CHAF1A: variants seen among roughly 807,000 people sequenced by gnomAD.
CHAF1A encodes the protein CAF-1 subunit A.
A neutral mutation model predicts 93.2 loss-of-function variants in CHAF1A; 5 were observed. The ratio of observed to expected loss-of-function variants is 0.05; its 90% CI spans 0.03 to 0.11. The LOEUF is 0.11. CHAF1A is among the 10% of genes least tolerant of loss of function. The pLI is 1.00. For missense variants in CHAF1A, 1,102 were observed against 1,259.9 expected, an observed-to-expected ratio of 0.87 and a Z score of 1.90; for synonymous variants, 504 against 510.3, an observed-to-expected ratio of 0.99 and a Z score of 0.17.
chr19:4,447,152 AGT>A, downstream of CHAF1A: 2 of 596,516 alleles, frequency 3.4e-6, no homozygotes, highest in Non-Finnish European at 6.0e-6. Flanking sequence ...AGGCACGAAG[AGT>A]GAGGCTGAGG....
downstream of CHAF1A, chr19:4,448,956 T>C (rs1974599235): frequency 1.3e-5 from 2 of 154,654 alleles, no homozygotes; most frequent in African/African-American, 4.8e-5. Flanking sequence ...TGAAACTCAA[T>C]AGCTGGAAGA....
downstream of CHAF1A, chr19:4,447,292 A>G: frequency 1.7e-6 from 1 of 573,530 alleles, no homozygotes. Flanking sequence ...ATGTTCCCAA[A>G]CAAGCCCAGC....
intron 2 of CHAF1A, among the ~76,000 whole-genome samples, chr19:4,408,461 CTTTTTTTTTTTTTTT>C (rs778100682): frequency 6.1e-4 from 22 of 36,018 alleles, no homozygotes; most frequent in African/African-American, 1.7e-3. Flanking sequence ...CGCACCCGGC[CTTTTTTTTTTTTTTT>C]TTTTTTTTTT....
At chr19:4,443,715 C>G (rs929415814), downstream of CHAF1A, among the ~76,000 whole-genome samples, 10 of 152,178 alleles carry the variant, frequency 6.6e-5, no homozygotes, top group Non-Finnish European at 1.0e-4. Flanking sequence ...GAGTCTGAGG[C>G]TTTGTGAGAG....
At position 4,408,921 on chromosome 19, in the gene CHAF1A, G is replaced by A. The variant is rs2145068303; in HGVS notation, c.122G>A (p.Arg41His). 2 of 1,606,778 alleles carry A rather than the reference G, an allele frequency of 1.2e-6. No homozygotes were observed. Among genetic ancestry groups the A allele is most frequent in the Non-Finnish European group, 1.7e-6 (2 of 1,177,804 alleles). ...KLIQARLPFK[R>H]LNLVPKGKAD... ...GTTTCAGCCCGTCTGCCGTTTAAGC[G>A]CCTGAATCTTGTCCCAAAGGGGAAA... The change falls in exon 3 of 15, where the codon CGC becomes CAC. Residue 41 changes from arginine (R) to histidine (H), a missense_variant. Arg to His is a conservative substitution (Grantham distance 29, BLOSUM62 0). Around this residue, in one of 6 missense-constraint regions of CHAF1A, gnomAD observed 28 missense variants for 56.5 expected, o/e 0.50. Transcript: ENST00000301280.
chr19:4,429,008 C>G (rs769099831), intron 8 of CHAF1A, 118 bp downstream of exon 8: 52 of 802,450 alleles, frequency 6.5e-5, no homozygotes, highest in Non-Finnish European at 9.1e-5. Context: ...TCCTAGTGCC[C>G]TCGGGCCCTG....
At chr19:4,412,872 C>T (rs557843017) in intron 3 of CHAF1A, among the ~76,000 whole-genome samples, 4 of 152,284 alleles carry the variant, frequency 2.6e-5, no homozygotes, top group Admixed American at 1.3e-4. Context: ...CACAACCACC[C>T]GCAGAGGGCC....
intron 3 of CHAF1A, 59 bp from the exon 4 acceptor site, chr19:4,417,961 C>G (rs1414049278): frequency 3.1e-6 from 4 of 1,279,106 alleles, no homozygotes; most frequent in Non-Finnish European, 4.4e-6. Context: ...AAAGGTTTCT[C>G]TTTTTCTCGA....
chr19:4,412,948 A>C (rs964253499), intron 3 of CHAF1A, among the ~76,000 whole-genome samples: 5 of 152,310 alleles, frequency 3.3e-5, no homozygotes, highest in African/African-American at 9.6e-5. Context: ...GATGGCAGGG[A>C]TCCCTGAGAT....
intron 13 of CHAF1A, among the ~76,000 whole-genome samples, chr19:4,437,976 T>C (rs243377): frequency 0.54 from 81,423 of 151,688 alleles, 22,288 homozygotes; most frequent in Admixed American, 0.71. Context: ...CTCCTGACCT[T>C]GTGATCTGCC....
intron 1 of CHAF1A, among the ~76,000 whole-genome samples, chr19:4,404,929 A>G (rs924439333): frequency 6.6e-6 from 1 of 152,102 alleles, no homozygotes; most frequent in Non-Finnish European, 1.5e-5. Flanking sequence ...GGCAAGCTCA[A>G]AGTGCTTTAA....
chr19:4,444,000 C>T (rs572805213), downstream of CHAF1A, among the ~76,000 whole-genome samples: 42 of 152,310 alleles, frequency 2.8e-4, no homozygotes, highest in Admixed American at 1.1e-3. Flanking sequence ...CAGTCAGGGA[C>T]GGCAGGGCGC....
At chr19:4,406,541 TCTC>T (rs1410747064) in intron 2 of CHAF1A, among the ~76,000 whole-genome samples, 2 of 151,594 alleles carry the variant, frequency 1.3e-5, no homozygotes, top group African/African-American at 2.4e-5. Context: ...TTCAAGCAAT[TCTC>T]CTCCTTCAGC....
rs929869837 is a variant in CHAF1A at position 4,438,008 on chromosome 19, TA to T, written c.2674-4236del. 1.1e-3 allele frequency among the ~76,000 whole-genome samples: 165 copies of T among 152,318 alleles called. 1 individual carries two copies. Among genetic ancestry groups the T allele is most frequent in the African/African-American group, 3.9e-3 (164 of 41,578 alleles). On this transcript the variant is annotated intron_variant, in intron 13 of 14. Coordinates refer to ENST00000301280, the MANE Select transcript of CHAF1A (RefSeq NM_005483.3). Reference sequence around the variant, plus strand: ...TGCCCGCCTCGGCCTCCCAAAGTGCTAGGATTACAGGCGTGAGACACCACGC... The same window carrying T: ...TGCCCGCCTCGGCCTCCCAAAGTGCTGGATTACAGGCGTGAGACACCACGC...
chr19:4,402,791 C>T lies in CHAF1A; in HGVS notation c.29C>T (p.Pro10Leu). The T allele has an allele frequency of 8.3e-7, 1 of 1,205,614 alleles. No homozygotes were observed. Among genetic ancestry groups the T allele is most frequent in the Non-Finnish European group, 1.0e-6 (1 of 971,036 alleles). 74.7% of individuals were successfully genotyped at this position (1,205,614 alleles called of 1,614,324 possible). MLEELECGA[P>L]GARGAATAMD... ...CTGGAGGAGCTGGAGTGCGGGGCGC[C>T]CGGCGCCAGGGGAGCCGCCACAGGT... is the stretch of plus-strand genomic sequence containing the variant. The change falls in exon 1 of 15, where the codon CCC becomes CTC. Residue 10 changes from proline to leucine, a missense_variant. Coordinates refer to ENST00000301280, the MANE Select transcript of CHAF1A (RefSeq NM_005483.3).
chr19:4,406,521 G>A (rs1439925838), intron 2 of CHAF1A, among the ~76,000 whole-genome samples: 3 of 147,734 alleles, frequency 2.0e-5, no homozygotes, highest in African/African-American at 5.0e-5. Context: ...TGCAACCTCC[G>A]CCTCCTGGGT....
chr19:4,429,715 T>G lies in CHAF1A; in HGVS notation c.1781T>G (p.Leu594Arg). 6.2e-7 allele frequency: 1 copy of G among 1,614,088 alleles called. No individual in the cohort carries two copies. The highest frequency in any genetic ancestry group is 8.5e-7 in the Non-Finnish European group (1 of 1,179,990). The change falls in exon 10 of 15, where the codon CTG becomes CGG. Residue 594 changes from leucine to arginine, a missense_variant. Physicochemically the swap from Leu to Arg is moderately radical, Grantham distance 102. Coordinates refer to ENST00000301280, the MANE Select transcript of CHAF1A (RefSeq NM_005483.3). ...ATGTGTTTCTTTTCTCAGAAGCTCC[T>G]GGACTATGAGGTGGACAGTGATGAG... ...RDPWAQDTKL[L>R]DYEVDSDEEW...
intron 1 of CHAF1A, among the ~76,000 whole-genome samples, chr19:4,403,571 C>A (rs537405791): frequency 6.6e-6 from 1 of 152,394 alleles, no homozygotes; most frequent in Admixed American, 6.5e-5. Context: ...AGTTTCTCAG[C>A]CTCAGCAGTG....
intron 7 of CHAF1A, among the ~76,000 whole-genome samples, chr19:4,427,723 G>A (rs1568437609): frequency 6.6e-6 from 1 of 152,228 alleles, no homozygotes; most frequent in Non-Finnish European, 1.5e-5. Flanking sequence ...AAGTAGCTGG[G>A]ACTACAGGTG....
Sources: gnomAD v4.1 joint callset for allele counts (sites outside exome capture counted in the v4.1 genomes callset) on GRCh38, gnomAD v4.1.1 for gene constraint, gnomAD v4.1.1 regional missense constraint, MANE v1.5 for transcripts, NCBI Gene and HGNC (gene_info 2026-07-23, HGNC 2026-07-21) for gene names.